Variants in SH3RF3 observed in about 807,000 individuals in gnomAD.
The protein encoded by SH3RF3 is SH3 domain containing ring finger 3.
In SH3RF3, 29 loss-of-function variants were observed where a neutral mutation model predicts 66.3. The ratio of observed to expected loss-of-function variants is 0.44; its 90% CI spans 0.33 to 0.60. The LOEUF is 0.60. Ranked by LOEUF, SH3RF3 falls within the 20% of genes least tolerant of loss-of-function variation. SH3RF3 has a pLI of 0.04. For synonymous variants in SH3RF3, 583 were observed against 532.0 expected, an observed-to-expected ratio of 1.10 and a Z score of -1.32; for missense variants, 1,194 against 1,190.9, an observed-to-expected ratio of 1.00 and a Z score of -0.04.
At chr2:109,235,851 T>TA (rs1381956232) in intron 1 of SH3RF3, among the ~76,000 whole-genome samples, 1 of 152,214 alleles carries the variant, frequency 6.6e-6, no homozygotes, top group Non-Finnish European at 1.5e-5. Context: ...GCTTGACTGA[T>TA]AAAACCTCTT....
At chr2:109,223,437 G>A (rs10177615) in intron 1 of SH3RF3, among the ~76,000 whole-genome samples, 39,721 of 152,076 alleles carry the variant, frequency 0.26, 5,517 homozygotes, top group East Asian at 0.47. Context: ...TTGATTCCTC[G>A]GTTATTTCAG....
At chr2:109,479,367 T>C (rs1559105494) in intron 8 of SH3RF3, among the ~76,000 whole-genome samples, 2 of 152,114 alleles carry the variant, frequency 1.3e-5, no homozygotes, top group Non-Finnish European at 2.9e-5. Flanking sequence ...ATTTAGAAAA[T>C]ACAATTTGCC....
At chr2:109,269,106 C>T (rs991246615) in intron 1 of SH3RF3, among the ~76,000 whole-genome samples, 7 of 152,158 alleles carry the variant, frequency 4.6e-5, no homozygotes, top group Admixed American at 2.6e-4. Flanking sequence ...AAGGGCCGCA[C>T]GTGGATTTTG....
Position 109,433,545 on chromosome 2 carries a change from G to A in SH3RF3, c.1574+874G>A, listed in dbSNP as rs145530326. On this transcript the variant is annotated intron_variant, in intron 6 of 9. Coordinates refer to ENST00000309415, the MANE Select transcript of SH3RF3 (RefSeq NM_001099289.3). ...CACTGCAGGACACACACACAGAAGCGAAAGACGTGGCCTTGGGTTTCTCCT... is the reference window on the plus strand; with the variant it reads ...CACTGCAGGACACACACACAGAAGCAAAAGACGTGGCCTTGGGTTTCTCCT... 3.9e-5 allele frequency among the ~76,000 whole-genome samples: 6 copies of A among 152,336 alleles called. No homozygotes were observed. The East Asian group carries it at 7.7e-4, about 20-fold the overall frequency.
intron 1 of SH3RF3, among the ~76,000 whole-genome samples, chr2:109,340,418 C>T (rs1228479211): frequency 1.3e-5 from 2 of 152,316 alleles, no homozygotes; most frequent in South Asian, 2.1e-4. Flanking sequence ...GCACATACCT[C>T]AACCCTGAGG....
chr2:109,450,090 A>G (rs1420322961), intron 8 of SH3RF3, among the ~76,000 whole-genome samples: 1 of 152,230 alleles, frequency 6.6e-6, no homozygotes, highest in Non-Finnish European at 1.5e-5. Flanking sequence ...TCAAGCCTGT[A>G]ATCTCAGCAC....
chr2:109,247,586 C>T (rs994164450), intron 1 of SH3RF3, among the ~76,000 whole-genome samples: 2 of 152,184 alleles, frequency 1.3e-5, no homozygotes, highest in African/African-American at 4.8e-5. Flanking sequence ...TTACACTTGG[C>T]GACTTCTCTT....
At chr2:109,203,959 C>T (rs191182001) in intron 1 of SH3RF3, among the ~76,000 whole-genome samples, 3 of 152,294 alleles carry the variant, frequency 2.0e-5, no homozygotes, top group East Asian at 1.9e-4. Flanking sequence ...AGCATCTGCA[C>T]GGTGCTCCAG....
chr2:109,253,906 A>T (rs1680155233), intron 1 of SH3RF3, among the ~76,000 whole-genome samples: 1 of 152,088 alleles, frequency 6.6e-6, no homozygotes, highest in Non-Finnish European at 1.5e-5. Flanking sequence ...TCTTCTTTCT[A>T]AAAGCATGGA....
chr2:109,277,117 G>T (rs1394862222), intron 1 of SH3RF3, among the ~76,000 whole-genome samples: 1 of 152,170 alleles, frequency 6.6e-6, no homozygotes, highest in East Asian at 1.9e-4. Flanking sequence ...GAGCCCTCAG[G>T]ACTGTAGGAG....
intron 1 of SH3RF3, among the ~76,000 whole-genome samples, chr2:109,151,838 C>T (rs955795811): frequency 1.3e-5 from 2 of 152,246 alleles, no homozygotes; most frequent in Non-Finnish European, 2.9e-5. Flanking sequence ...TTATAGGCAA[C>T]AATATGACAT....
intron 8 of SH3RF3, among the ~76,000 whole-genome samples, chr2:109,455,160 G>T (rs1157232687): frequency 1.3e-5 from 2 of 152,126 alleles, no homozygotes. Context: ...AGTGCTGACT[G>T]TGGTGGCCTC....
chr2:109,249,511 T>C (rs1243296437), intron 1 of SH3RF3, among the ~76,000 whole-genome samples: 4 of 41,868 alleles, frequency 9.6e-5, no homozygotes, highest in Non-Finnish European at 1.8e-4. Context: ...CTTTCTTTCA[T>C]TCTTTCTTTT....
chr2:109,369,486 T>G (rs1398343824), intron 2 of SH3RF3, among the ~76,000 whole-genome samples: 1 of 152,262 alleles, frequency 6.6e-6, no homozygotes, highest in Non-Finnish European at 1.5e-5. Flanking sequence ...AGAATGCTCT[T>G]TACGTTTTTC....
intron 1 of SH3RF3, among the ~76,000 whole-genome samples, chr2:109,255,093 CATG>C (rs1272520089): frequency 1.3e-5 from 2 of 152,162 alleles, no homozygotes; most frequent in African/African-American, 2.4e-5. Context: ...GTACCCGTGT[CATG>C]GTGGTGGGAG....
chr2:109,192,407 C>T (rs1678388573), intron 1 of SH3RF3, among the ~76,000 whole-genome samples: 1 of 152,186 alleles, frequency 6.6e-6, no homozygotes, highest in African/African-American at 2.4e-5. Context: ...ATATGTTACT[C>T]ATAGAAGACA....
chr2:109,378,315 AC>A (rs1264814502), intron 3 of SH3RF3, among the ~76,000 whole-genome samples: 1 of 152,172 alleles, frequency 6.6e-6, no homozygotes, highest in Non-Finnish European at 1.5e-5. Context: ...TCTAAGAGAA[AC>A]CCAGCATGCC....
chr2:109,336,599 C>T (rs149720815), intron 1 of SH3RF3, among the ~76,000 whole-genome samples: 3 of 152,336 alleles, frequency 2.0e-5, no homozygotes, highest in East Asian at 1.9e-4. Context: ...GTTTCCACCA[C>T]GTTGAGGCAA....
chr2:109,418,138 C>T (rs1676773715), intron 4 of SH3RF3, among the ~76,000 whole-genome samples: 1 of 152,128 alleles, frequency 6.6e-6, no homozygotes, highest in Non-Finnish European at 1.5e-5. Flanking sequence ...GGCCGAGGTA[C>T]CTGCAGCCTG....
Sources: gnomAD v4.1 joint callset for allele counts (sites outside exome capture counted in the v4.1 genomes callset) on GRCh38, gnomAD v4.1.1 for gene constraint, MANE v1.5 for transcripts, NCBI Gene and HGNC (gene_info 2026-07-23, HGNC 2026-07-21) for gene names.